Variants in ACBD6 observed in about 807,000 individuals in gnomAD.
ACBD6 encodes acyl-CoA-binding domain-containing protein 6.
Under a neutral mutation model 37.2 loss-of-function variants are expected in ACBD6, and 28 were observed. That is an observed-to-expected ratio of 0.75 (90% CI 0.56 to 1.03). The LOEUF (loss-of-function observed/expected upper bound fraction) is 1.03. ACBD6 is among the 50% of genes least tolerant of loss of function. ACBD6 has a pLI of 0.00. For missense variants in ACBD6, 340 were observed against 337.4 expected (o/e 1.01, Z -0.06); for synonymous variants, 113 against 126.8 (o/e 0.89, Z 0.73).
At chr1:180,449,850 A>G (rs942822805) in intron 3 of ACBD6, among the ~76,000 whole-genome samples, 2 of 151,376 alleles carry the variant, frequency 1.3e-5, no homozygotes, top group African/African-American at 4.9e-5. Flanking sequence ...AACATGACAC[A>G]TGTTCACCTA....
chr1:180,293,145 C>T (rs1443521767), intron 7 of ACBD6, among the ~76,000 whole-genome samples: 3 of 152,096 alleles, frequency 2.0e-5, no homozygotes, highest in South Asian at 2.1e-4. Context: ...AACATTTTTG[C>T]ATCTATGTTC....
chr1:180,486,430 C>T (rs575868683), intron 3 of ACBD6, among the ~76,000 whole-genome samples: 1 of 152,302 alleles, frequency 6.6e-6, no homozygotes. Flanking sequence ...CTGCCAGCAT[C>T]TAAGAAACAG....
chr1:180,317,636 A>G (rs1437324820), intron 6 of ACBD6, among the ~76,000 whole-genome samples: 1 of 152,216 alleles, frequency 6.6e-6, no homozygotes, highest in Admixed American at 6.5e-5. Context: ...ATTCACAAAG[A>G]AAAAAGTAGT....
intron 3 of ACBD6, among the ~76,000 whole-genome samples, chr1:180,456,119 G>A (rs1649911286): frequency 6.6e-6 from 1 of 151,732 alleles, no homozygotes; most frequent in Admixed American, 6.6e-5. Flanking sequence ...GGCTGAGGCA[G>A]GGGAATCACA....
intron 6 of ACBD6, among the ~76,000 whole-genome samples, chr1:180,386,339 A>G (rs1653844071): frequency 1.3e-5 from 2 of 152,068 alleles, no homozygotes; most frequent in Admixed American, 6.5e-5. Context: ...ACTGCTTTCA[A>G]TGTTGTTGTT....
intron 3 of ACBD6, among the ~76,000 whole-genome samples, chr1:180,486,654 G>A (rs72716627): frequency 0.16 from 24,012 of 152,134 alleles, 1,958 homozygotes; most frequent in Middle Eastern, 0.22. Flanking sequence ...ACTAGTGGGT[G>A]AAATCTGACT....
intron 9 of ACBD6, chr1:180,277,932 T>TTCA (rs1222890771): frequency 1.3e-5 from 2 of 152,110 alleles, no homozygotes; most frequent in African/African-American, 4.8e-5. Context: ...CCATTAGATC[T>TTCA]TCATCATTAA....
chr1:180,468,421 A>T (rs1236942921), intron 3 of ACBD6, among the ~76,000 whole-genome samples: 1 of 152,246 alleles, frequency 6.6e-6, no homozygotes, highest in Non-Finnish European at 1.5e-5. Context: ...AAGGAGGCAA[A>T]GAAACTATAT....
chr1:180,361,309 T>C lies in ACBD6; in HGVS notation c.663+36207A>G, dbSNP rs58613938. ...TTTTTTTTAAACAGGTGCTTAGATA[T>C]GCTTAGGCTTCTTTATATTGAGAGG... On this transcript the variant is annotated intron_variant, in intron 6 of 7. Coordinates refer to ENST00000367595, the MANE Select transcript of ACBD6 (RefSeq NM_032360.4). 6.5e-3 allele frequency among the ~76,000 whole-genome samples: 964 copies of C among 149,034 alleles called. 16 individuals carry two copies. Among genetic ancestry groups the C allele is most frequent in the African/African-American group, 0.023 (921 of 40,438 alleles).
chr1:180,393,759 A>G (rs964479595), intron 6 of ACBD6, among the ~76,000 whole-genome samples: 1 of 152,230 alleles, frequency 6.6e-6, no homozygotes, highest in Admixed American at 6.5e-5. Context: ...CCCATTAACT[A>G]AAGTTAGATT....
At chr1:180,334,539 G>C (rs1052431194) in intron 6 of ACBD6, among the ~76,000 whole-genome samples, 5 of 152,094 alleles carry the variant, frequency 3.3e-5, no homozygotes, top group Admixed American at 2.6e-4. Context: ...ATCAAAGGTA[G>C]ATAAAACCAC....
intron 1 of ACBD6, among the ~76,000 whole-genome samples, chr1:180,501,258 C>T (rs998499746): frequency 6.6e-6 from 1 of 152,144 alleles, no homozygotes; most frequent in African/African-American, 2.4e-5. Context: ...AAGACATACT[C>T]AACGAAAACA....
intron 6 of ACBD6, among the ~76,000 whole-genome samples, chr1:180,370,797 C>T (rs11586077): frequency 0.021 from 3,239 of 152,018 alleles, 55 homozygotes; most frequent in Non-Finnish European, 0.031. Context: ...CATTTGGCTT[C>T]CAAATGACCC....
intron 6 of ACBD6, among the ~76,000 whole-genome samples, chr1:180,316,643 C>T (rs1291687735): frequency 6.6e-6 from 1 of 152,122 alleles, no homozygotes; most frequent in Admixed American, 6.5e-5. Flanking sequence ...TGGAAGAAAG[C>T]ATAATCTATT....
intron 6 of ACBD6, among the ~76,000 whole-genome samples, chr1:180,338,288 A>C (rs1651827885): frequency 6.6e-6 from 1 of 151,408 alleles, no homozygotes; most frequent in African/African-American, 2.4e-5. Context: ...ACTATACTAC[A>C]AACAGTAACC....
At chr1:180,491,809 T>G (rs1041743992) in intron 3 of ACBD6, among the ~76,000 whole-genome samples, 1 of 152,164 alleles carries the variant, frequency 6.6e-6, no homozygotes, top group African/African-American at 2.4e-5. Context: ...TAATTATTAT[T>G]AATTTTTTTC....
chr1:180,348,561 A>C (rs1194889406), intron 6 of ACBD6, among the ~76,000 whole-genome samples: 1 of 152,200 alleles, frequency 6.6e-6, no homozygotes, highest in East Asian at 1.9e-4. Context: ...AAGTAAGTTA[A>C]AATGGAGTAT....
Position 180,430,183 on chromosome 1 carries a change from A to G in ACBD6, c.464T>C (p.Ile155Thr). Residue 155 changes from isoleucine (I) to threonine (T), a missense_variant, in exon 4 of 8, where the codon ATC (isoleucine) becomes ACC (threonine). By Grantham distance (89) the Ile-to-Thr change is moderately conservative. Transcript: ENST00000367595. ...VISSLYHEET[I>T]REEDKNIFDY... ...CAAAGATCAGAAGAGAAATTACCTG[A>G]TGGTTTCTTCATGATATAGAGAACT... The G allele has an allele frequency of 1.2e-6, 2 of 1,612,340 alleles. No individual in the cohort carries two copies. The highest frequency in any genetic ancestry group is 1.7e-6 in the Non-Finnish European group (2 of 1,178,792).
At chr1:180,364,429 A>G (rs1652964159) in intron 6 of ACBD6, among the ~76,000 whole-genome samples, 2 of 152,242 alleles carry the variant, frequency 1.3e-5, no homozygotes, top group Admixed American at 1.3e-4. Flanking sequence ...AAGACTTAGG[A>G]AGAAAATGTC....
Sources: allele counts gnomAD v4.1 joint callset (sites outside exome capture counted in the v4.1 genomes callset), GRCh38; gene constraint gnomAD v4.1.1; transcripts MANE v1.5; gene names NCBI Gene and HGNC (gene_info 2026-07-23, HGNC 2026-07-21).